GPC5: variants seen among roughly 807,000 people sequenced by gnomAD.
The protein encoded by GPC5 is glypican-5.
A neutral mutation model predicts 53.9 loss-of-function variants in GPC5; 47 were observed. That is an observed-to-expected ratio of 0.87 (90% CI 0.69 to 1.11). GPC5 has a LOEUF of 1.11. GPC5 is among the 50% of genes most tolerant of loss of function. GPC5 has a pLI of 0.00. For missense variants in GPC5, 748 were observed against 713.1 expected, an observed-to-expected ratio of 1.05 and a Z score of -0.56; for synonymous variants, 286 against 263.3, an observed-to-expected ratio of 1.09 and a Z score of -0.84.
intron 6 of GPC5, among the ~76,000 whole-genome samples, chr13:91,975,516 A>G (rs948749244): frequency 6.6e-6 from 1 of 152,248 alleles, no homozygotes; most frequent in Non-Finnish European, 1.5e-5. Flanking sequence ...ACACACATGA[A>G]AAAATGCTCA....
chr13:91,625,929 T>C (rs2033986875), intron 2 of GPC5, among the ~76,000 whole-genome samples: 1 of 152,122 alleles, frequency 6.6e-6, no homozygotes, highest in South Asian at 2.1e-4. Flanking sequence ...GAATCTATTA[T>C]CTTATCCAAT....
At chr13:92,308,734 AG>A (rs1228039422) in intron 7 of GPC5, among the ~76,000 whole-genome samples, 5 of 152,100 alleles carry the variant, frequency 3.3e-5, no homozygotes, top group African/African-American at 1.2e-4. Flanking sequence ...TTTGTGAAAA[AG>A]AGAGACTCGA....
At chr13:92,458,263 T>C (rs1390788415) in intron 7 of GPC5, among the ~76,000 whole-genome samples, 1 of 137,162 alleles carries the variant, frequency 7.3e-6, no homozygotes, top group Non-Finnish European at 1.5e-5. Context: ...CTCTGACATA[T>C]AGCATACTGC....
intron 7 of GPC5, among the ~76,000 whole-genome samples, chr13:92,499,650 T>A (rs2138929305): frequency 6.6e-6 from 1 of 152,286 alleles, no homozygotes; most frequent in Admixed American, 6.5e-5. Context: ...CCAAAGAGCA[T>A]AAAGTGCCAG....
chr13:92,628,844 T>A (rs1885143072), intron 7 of GPC5, among the ~76,000 whole-genome samples: 1 of 152,198 alleles, frequency 6.6e-6, no homozygotes, highest in South Asian at 2.1e-4. Flanking sequence ...CTAGAAGAAG[T>A]TCTGAGGATG....
chr13:92,831,302 T>C (rs1878035288), intron 7 of GPC5, among the ~76,000 whole-genome samples: 4 of 152,148 alleles, frequency 2.6e-5, no homozygotes, highest in Admixed American at 6.5e-5. Flanking sequence ...ACTCTTTTCA[T>C]GCTAATTTAA....
chr13:92,777,039 A>T (rs887902201), intron 7 of GPC5, among the ~76,000 whole-genome samples: 1 of 150,586 alleles, frequency 6.6e-6, no homozygotes, highest in Non-Finnish European at 1.5e-5. Flanking sequence ...AAAAAAAAAA[A>T]AAAAAAAAAA....
chr13:91,908,188 T>G, intron 6 of GPC5, 131 bp downstream of exon 6: 2 of 692,586 alleles, frequency 2.9e-6, no homozygotes, highest in Non-Finnish European at 2.2e-6. Context: ...ACTTTTTGTA[T>G]CAGGACATTT....
intron 7 of GPC5, among the ~76,000 whole-genome samples, chr13:92,730,620 G>A (rs923916446): frequency 1.1e-4 from 16 of 150,420 alleles, no homozygotes; most frequent in African/African-American, 3.6e-4. Context: ...TTTTGCAAGC[G>A]GATGTCCAAT....
In GPC5 at chr13:92,450,173, G is replaced by GAT. The variant is rs1350636974; in HGVS notation, c.1561+305193_1561+305194dup. 3.3e-5 allele frequency among the ~76,000 whole-genome samples: 5 copies of GAT among 152,154 alleles called. No individual in the cohort carries two copies. In the East Asian group the frequency reaches 9.7e-4, roughly 29 times the overall value. On this transcript the variant is annotated intron_variant, in intron 7 of 7. Coordinates refer to ENST00000377067, the MANE Select transcript of GPC5 (RefSeq NM_004466.6). ...CTTGGAACAAAAGAAATTGGGAGAA[G>GAT]ATATATATATTCACTGGATTCCTAT... is the stretch of plus-strand genomic sequence containing the variant.
chr13:91,879,981 A>T (rs573225945), intron 5 of GPC5, among the ~76,000 whole-genome samples: 71 of 152,188 alleles, frequency 4.7e-4, no homozygotes, highest in South Asian at 3.9e-3. Context: ...GGTAATAGTT[A>T]TATTTGCTTT....
chr13:92,189,549 T>C (rs2042208476), intron 7 of GPC5, among the ~76,000 whole-genome samples: 1 of 152,112 alleles, frequency 6.6e-6, no homozygotes, highest in South Asian at 2.1e-4. Context: ...GCCTGTTTAC[T>C]TCAGTTTCTT....
chr13:92,100,171 G>A (rs1265349640), intron 6 of GPC5, among the ~76,000 whole-genome samples: 1 of 152,142 alleles, frequency 6.6e-6, no homozygotes, highest in Non-Finnish European at 1.5e-5. Context: ...TTGGGAGGCC[G>A]AGGTGGGTGG....
chr13:92,340,704 T>TA lies in GPC5; in HGVS notation c.1561+195721dup, dbSNP rs561381807. The TA allele has an allele frequency of 3.8e-3, 578 of 152,160 alleles. 2 individuals carry two copies. Among genetic ancestry groups the TA allele is most frequent in the African/African-American group, 0.013 (554 of 41,542 alleles). 9.4% of individuals were successfully genotyped at this position (152,160 alleles called of 1,614,324 possible). ...AACTTGAAACTGTTAAGATATAAAA[T>TA]AAAAAATCAGACAAACGATTGTATT... is the stretch of plus-strand genomic sequence containing the variant. On this transcript the variant is annotated intron_variant, in intron 7 of 7. Transcript: ENST00000377067.
intron 6 of GPC5, among the ~76,000 whole-genome samples, chr13:91,950,274 T>TG (rs1350396360): frequency 1.3e-5 from 2 of 149,752 alleles, no homozygotes; most frequent in Non-Finnish European, 2.9e-5. Flanking sequence ...AAGTTTTTTT[T>TG]TTTTTTTTTT....
At chr13:91,813,263 C>T (rs1364330463) in intron 5 of GPC5, among the ~76,000 whole-genome samples, 1 of 152,014 alleles carries the variant, frequency 6.6e-6, no homozygotes, top group Non-Finnish European at 1.5e-5. Flanking sequence ...CCTTTTTCTC[C>T]CCTTTGCATT....
intron 1 of GPC5, among the ~76,000 whole-genome samples, chr13:91,419,701 A>G (rs1878472795): frequency 6.6e-6 from 1 of 152,216 alleles, no homozygotes; most frequent in Non-Finnish European, 1.5e-5. Flanking sequence ...AGTGAGAAAT[A>G]AAATTGTGCC....
At chr13:92,709,397 T>A (rs1888063870) in intron 7 of GPC5, 1 of 152,128 alleles carries the variant, frequency 6.6e-6, no homozygotes, top group Admixed American at 6.5e-5. Context: ...ATAGCATTAA[T>A]GTCCACACAC....
rs1260614045 is a variant in GPC5, at chr13:92,513,889, T to C, written c.1562-352393T>C. Among the ~76,000 whole-genome samples the C allele has an allele frequency of 5.9e-5, 9 of 152,320 alleles. No homozygotes were observed. In the East Asian group the frequency reaches 1.7e-3, roughly 29 times the overall value. The stretch of plus-strand genomic sequence containing the variant: ...TATGACTCATCACATGAAGTCAGTG[T>C]GGAATTTTCTACTTGTGGCATCATG... On this transcript the variant is annotated intron_variant, in intron 7 of 7. Coordinates refer to ENST00000377067, the MANE Select transcript of GPC5 (RefSeq NM_004466.6).
Sources: gnomAD v4.1 joint callset for allele counts (sites outside exome capture counted in the v4.1 genomes callset) on GRCh38, gnomAD v4.1.1 for gene constraint, MANE v1.5 for transcripts, NCBI Gene and HGNC (gene_info 2026-07-23, HGNC 2026-07-21) for gene names.